The following WDR41 variants were observed in gnomAD, a reference collection of about 807,000 sequenced individuals.
The protein encoded by WDR41 is WD repeat-containing protein 41.
WDR41 carries 63 observed loss-of-function variants against 69.3 expected under a neutral mutation model. The observed-to-expected ratio is 0.91, with a 90% confidence interval of 0.74 to 1.12. The LOEUF is 1.12. Ranked by LOEUF, WDR41 falls within the 50% of genes most tolerant of loss-of-function variation. WDR41 has a pLI of 0.00. For synonymous variants in WDR41, 185 were observed against 192.1 expected, an observed-to-expected ratio of 0.96 and a Z score of 0.31; for missense variants, 543 against 534.5, an observed-to-expected ratio of 1.02 and a Z score of -0.16.
chr5:77,608,304 G>T (rs1458436479), intron 1 of WDR41, among the ~76,000 whole-genome samples: 1 of 152,164 alleles, frequency 6.6e-6, no homozygotes, highest in African/African-American at 2.4e-5. Context: ...ATAGGGAATT[G>T]TTACATTGGA....
intron 1 of WDR41, among the ~76,000 whole-genome samples, chr5:77,535,994 G>C (rs991043783): frequency 2.6e-5 from 4 of 152,120 alleles, no homozygotes; most frequent in African/African-American, 7.2e-5. Context: ...CTGTCACAAT[G>C]AACTTTGGTC....
At chr5:77,459,181 T>G in intron 4 of WDR41, 57 bp from the exon 5 acceptor site, 1 of 1,275,478 alleles carries the variant, frequency 7.8e-7, no homozygotes. Context: ...TAATTATAAC[T>G]TTTCTAATTA....
In WDR41 at chr5:77,507,887, G is replaced by C. The variant is rs563700326; in HGVS notation, c.43-18315C>G. Among the ~76,000 whole-genome samples, 6 of 152,116 alleles carry C rather than the reference G, an allele frequency of 3.9e-5. No homozygotes were observed. The South Asian group carries it at 1.0e-3, about 26-fold the overall frequency. On this transcript the variant is annotated intron_variant, in intron 1 of 5. Transcript: ENST00000509971. ...TGGAACTCCTACTGCATGTATGCTG[G>C]TGTGCTTAATGGTGTCTCACATTTC...
intron 7 of WDR41, among the ~76,000 whole-genome samples, chr5:77,450,674 A>G (rs1454875231): frequency 6.6e-6 from 1 of 152,186 alleles, no homozygotes; most frequent in African/African-American, 2.4e-5. Context: ...CTTACCGTCA[A>G]TGTACTGAGT....
At chr5:77,458,114 T>G (rs983318537) in intron 5 of WDR41, among the ~76,000 whole-genome samples, 1 of 152,138 alleles carries the variant, frequency 6.6e-6, no homozygotes, top group Non-Finnish European at 1.5e-5. Flanking sequence ...GCACATCATT[T>G]CAGGTCACAT....
intron 1 of WDR41, among the ~76,000 whole-genome samples, chr5:77,529,900 A>T (rs905021251): frequency 2.6e-5 from 4 of 151,778 alleles, no homozygotes; most frequent in African/African-American, 9.7e-5. Context: ...AGCACAAAAA[A>T]CAAAACAAAT....
intron 1 of WDR41, chr5:77,491,725 T>C (rs948996599): frequency 1.8e-5 from 3 of 167,240 alleles, no homozygotes; most frequent in African/African-American, 7.1e-5. Context: ...CAAGTATCAG[T>C]AGACGCCAGG....
intron 8 of WDR41, among the ~76,000 whole-genome samples, chr5:77,448,581 C>T (rs1487425727): frequency 2.0e-5 from 3 of 152,016 alleles, no homozygotes; most frequent in Non-Finnish European, 2.9e-5. Context: ...TGCTTAAAAA[C>T]AAAGCCGGCC....
At chr5:77,522,888 G>A (rs1802390959) in intron 1 of WDR41, among the ~76,000 whole-genome samples, 1 of 152,186 alleles carries the variant, frequency 6.6e-6, no homozygotes, top group Non-Finnish European at 1.5e-5. Context: ...TTAAAGAAAG[G>A]ATGTGTAATG....
At chr5:77,464,698 G>T in intron 3 of WDR41, 63 bp downstream of exon 3, 2 of 1,475,324 alleles carry the variant, frequency 1.4e-6, no homozygotes, top group South Asian at 1.2e-5. Context: ...GTATTTATAT[G>T]AATACATACT....
intron 1 of WDR41, among the ~76,000 whole-genome samples, chr5:77,607,336 G>C (rs552111696): frequency 2.6e-5 from 4 of 152,350 alleles, no homozygotes; most frequent in Admixed American, 2.6e-4. Flanking sequence ...TTAGATGTGA[G>C]ACAGAAGAAG....
intron 2 of WDR41, among the ~76,000 whole-genome samples, chr5:77,480,690 G>T: frequency 7.4e-6 from 1 of 135,270 alleles, no homozygotes; most frequent in Admixed American, 7.6e-5. Flanking sequence ...GCGGGGAGGG[G>T]GGAGGGATAG....
chr5:77,605,270 C>T (rs1304398288), intron 1 of WDR41, among the ~76,000 whole-genome samples: 1 of 152,164 alleles, frequency 6.6e-6, no homozygotes, highest in African/African-American at 2.4e-5. Context: ...CTGTTGTCTG[C>T]CCTAAATTCT....
At chr5:77,510,766 ATTTTTTTTTTT>A (rs58752727) in intron 1 of WDR41, among the ~76,000 whole-genome samples, 1 of 99,612 alleles carries the variant, frequency 1.0e-5, no homozygotes, top group Admixed American at 1.2e-4. Context: ...TCCAAATTCA[ATTTTTTTTTTT>A]TTTTTTTTTT....
chr5:77,520,354 A>G (rs1802354235), intron 1 of WDR41, among the ~76,000 whole-genome samples: 1 of 152,186 alleles, frequency 6.6e-6, no homozygotes, highest in African/African-American at 2.4e-5. Context: ...CTTTTCCAGC[A>G]TTAACCCATT....
intron 1 of WDR41, among the ~76,000 whole-genome samples, chr5:77,593,169 T>A (rs907968459): frequency 1.2e-4 from 18 of 152,160 alleles, no homozygotes; most frequent in African/African-American, 4.1e-4. Flanking sequence ...GAAATAAGGT[T>A]CCAGAGGTAG....
rs145232909 is a variant in WDR41, at chr5:77,438,283, C to T, written c.961G>A (p.Ala321Thr). ...ACGTGCAGGACATTGGAGTCATGTG[C>T]AGTTTTCTGGCAGGCAATCACACGC... is the stretch of plus-strand genomic sequence containing the variant. ...MKRVIACQKTAHDSNVLHVAR... is the reference protein window; with the variant it reads ...MKRVIACQKTTHDSNVLHVAR... The change falls in exon 10 of 13, where the codon GCA (alanine) becomes ACA (threonine). Residue 321 changes from alanine (A) to threonine (T), a missense_variant. Transcript: ENST00000296679. 2.9e-4 allele frequency: 468 copies of T among 1,613,934 alleles called. 1 individual carries two copies. The highest frequency in any genetic ancestry group is 3.5e-4 in the Non-Finnish European group (410 of 1,179,928).
At chr5:77,437,456 GAGCGCAC>G (rs767030632) in intron 10 of WDR41, 32 bp from the exon 11 acceptor site, 2 of 1,583,386 alleles carry the variant, frequency 1.3e-6, no homozygotes, top group South Asian at 2.2e-5. Context: ...AATACAAAAA[GAGCGCAC>G]CACTGAGGGC....
chr5:77,599,224 A>G (rs894771761), intron 1 of WDR41, among the ~76,000 whole-genome samples: 10 of 89,748 alleles, frequency 1.1e-4, no homozygotes, highest in Non-Finnish European at 2.0e-4. Flanking sequence ...TTTTTTTGAG[A>G]TGGAGTCTCT....
Sources: allele counts gnomAD v4.1 joint callset (sites outside exome capture counted in the v4.1 genomes callset), GRCh38; gene constraint gnomAD v4.1.1; transcripts MANE v1.5; gene names NCBI Gene and HGNC (gene_info 2026-07-23, HGNC 2026-07-21).